LRP1B: variants seen among roughly 807,000 people sequenced by gnomAD.
LRP1B encodes low-density lipoprotein receptor-related protein 1B.
Under a neutral mutation model 556.6 loss-of-function variants are expected in LRP1B, and 217 were observed. The ratio of observed to expected loss-of-function variants is 0.39; its 90% CI spans 0.35 to 0.44. LRP1B has a LOEUF of 0.44. LRP1B is among the 20% of genes least tolerant of loss of function. The pLI is 1.00. For synonymous variants in LRP1B, 2,047 were observed against 1,865.8 expected, an observed-to-expected ratio of 1.10 and a Z score of -2.50; for missense variants, 5,053 against 5,620.8, an observed-to-expected ratio of 0.90 and a Z score of 3.23.
intron 6 of LRP1B, among the ~76,000 whole-genome samples, chr2:141,226,674 G>A (rs73962862): frequency 0.013 from 1,917 of 152,080 alleles, 39 homozygotes; most frequent in African/African-American, 0.044. Flanking sequence ...TGCTTATATG[G>A]TATGACAAAG....
chr2:141,221,254 T>C (rs1223215598), intron 6 of LRP1B, among the ~76,000 whole-genome samples: 5 of 143,870 alleles, frequency 3.5e-5, no homozygotes, highest in African/African-American at 1.3e-4. Context: ...GTTGCAATCC[T>C]AGTTTCTGAC....
chr2:141,701,025 G>A (rs77788512), intron 2 of LRP1B, among the ~76,000 whole-genome samples: 3,987 of 151,696 alleles, frequency 0.026, 80 homozygotes, highest in Non-Finnish European at 0.036. Context: ...TCTCCTCTTT[G>A]TTTCCTGATT....
intron 7 of LRP1B, among the ~76,000 whole-genome samples, chr2:141,087,140 T>C (rs1254371433): frequency 6.6e-6 from 1 of 152,146 alleles, no homozygotes; most frequent in Non-Finnish European, 1.5e-5. Flanking sequence ...AAACTTTCAT[T>C]CCTTGTAAAT....
At chr2:140,784,376 CCA>C (rs143661527) in intron 32 of LRP1B, among the ~76,000 whole-genome samples, 14,513 of 126,484 alleles carry the variant, frequency 0.11, 953 homozygotes, top group African/African-American at 0.22. Flanking sequence ...GATTCTGCCT[CCA>C]CACACACACA....
intron 3 of LRP1B, among the ~76,000 whole-genome samples, chr2:141,391,079 G>A (rs191243355): frequency 6.6e-6 from 1 of 152,238 alleles, no homozygotes; most frequent in East Asian, 1.9e-4. Context: ...GGGCGGTTGA[G>A]GGGAGGGAAT....
At chr2:142,042,123 C>T (rs1402559902) in intron 1 of LRP1B, among the ~76,000 whole-genome samples, 4 of 151,284 alleles carry the variant, frequency 2.6e-5, no homozygotes, top group Non-Finnish European at 5.9e-5. Context: ...GTAAGCTAGC[C>T]ATACGAAATA....
At chr2:140,807,419 C>A (rs6738883) in intron 32 of LRP1B, among the ~76,000 whole-genome samples, 17,478 of 151,870 alleles carry the variant, frequency 0.12, 1,350 homozygotes, top group Non-Finnish European at 0.16. Flanking sequence ...TGGCTCACTG[C>A]AACCTCTGCA....
intron 2 of LRP1B, among the ~76,000 whole-genome samples, chr2:141,677,187 G>A (rs1190252523): frequency 6.6e-6 from 1 of 152,080 alleles, no homozygotes; most frequent in African/African-American, 2.4e-5. Flanking sequence ...GAAAATGGGA[G>A]AAAATTTCTT....
chr2:140,835,930 G>C (rs1379668104), intron 31 of LRP1B, among the ~76,000 whole-genome samples: 2 of 152,114 alleles, frequency 1.3e-5, no homozygotes, highest in Admixed American at 1.3e-4. Context: ...CTGTTAATCT[G>C]CCTATTGTTA....
At chr2:141,503,825 A>G (rs566037703) in intron 2 of LRP1B, among the ~76,000 whole-genome samples, 4 of 152,308 alleles carry the variant, frequency 2.6e-5, no homozygotes, top group African/African-American at 7.2e-5. Flanking sequence ...AATATAATTA[A>G]GGCAAACTTT....
chr2:140,367,445 A>C (rs999441768), intron 71 of LRP1B, among the ~76,000 whole-genome samples: 1 of 151,726 alleles, frequency 6.6e-6, no homozygotes, highest in Non-Finnish European at 1.5e-5. Context: ...GGGTGAATCC[A>C]CCAAAGTGAA....
chr2:141,677,395 T>C (rs1319731633), intron 2 of LRP1B, among the ~76,000 whole-genome samples: 1 of 152,188 alleles, frequency 6.6e-6, no homozygotes, highest in Non-Finnish European at 1.5e-5. Flanking sequence ...TTGAAAATCT[T>C]ATTCAAAGTA....
intron 6 of LRP1B, among the ~76,000 whole-genome samples, chr2:141,209,452 T>C (rs1290542328): frequency 6.6e-6 from 1 of 152,210 alleles, no homozygotes; most frequent in East Asian, 1.9e-4. Context: ...ATTAAATCTC[T>C]TTCCTTTATA....
intron 60 of LRP1B, among the ~76,000 whole-genome samples, chr2:140,467,353 C>T (rs1264774293): frequency 6.6e-6 from 1 of 151,934 alleles, no homozygotes; most frequent in Admixed American, 6.6e-5. Context: ...CCTGTAATCC[C>T]AGCACTGTGG....
intron 1 of LRP1B, among the ~76,000 whole-genome samples, chr2:141,970,239 C>G (rs1286861797): frequency 2.0e-5 from 3 of 151,562 alleles, no homozygotes; most frequent in Non-Finnish European, 4.4e-5. Context: ...AGTTGCTTTA[C>G]TCTGTTATTG....
chr2:141,621,874 C>A (rs1343627012), intron 2 of LRP1B, among the ~76,000 whole-genome samples: 2 of 150,608 alleles, frequency 1.3e-5, no homozygotes, highest in African/African-American at 4.8e-5. Flanking sequence ...ATTACTATCT[C>A]TCTTTTTTGT....
intron 41 of LRP1B, among the ~76,000 whole-genome samples, chr2:140,636,576 C>T (rs539313306): frequency 6.6e-6 from 1 of 152,064 alleles, no homozygotes; most frequent in East Asian, 1.9e-4. Context: ...TCTTTAGCAG[C>T]TCATGTATCT....
intron 41 of LRP1B, among the ~76,000 whole-genome samples, chr2:140,669,454 G>C (rs1485991864): frequency 6.6e-6 from 1 of 152,072 alleles, no homozygotes; most frequent in Non-Finnish European, 1.5e-5. Context: ...TGATAAACTA[G>C]AAGAGTTTTA....
chr2:140,323,315 G>A (rs17386407), intron 81 of LRP1B, among the ~76,000 whole-genome samples: 10,540 of 151,954 alleles, frequency 0.069, 400 homozygotes, highest in Middle Eastern at 0.13. Context: ...CTAGGAGGGA[G>A]ACTAACAATA....
Sources: gnomAD v4.1 joint callset for allele counts (sites outside exome capture counted in the v4.1 genomes callset) on GRCh38, gnomAD v4.1.1 for gene constraint, MANE v1.5 for transcripts, NCBI Gene and HGNC (gene_info 2026-07-23, HGNC 2026-07-21) for gene names.